IFT57: variants seen among roughly 807,000 people sequenced by gnomAD.
The protein encoded by IFT57 is intraflagellar transport protein 57 homolog.
Under a neutral mutation model 56.8 loss-of-function variants are expected in IFT57, and 59 were observed. The observed-to-expected ratio is 1.04, with a 90% CI of 0.84 to 1.29. The LOEUF is 1.29. Ranked by LOEUF, IFT57 falls within the 50% of genes most tolerant of loss-of-function variation. The pLI, the probability that IFT57 is intolerant of heterozygous loss-of-function variation, is 0.00. For synonymous variants in IFT57, 209 were observed against 186.1 expected, an observed-to-expected ratio of 1.12 and a Z score of -1.00; for missense variants, 470 against 522.1, an observed-to-expected ratio of 0.90 and a Z score of 0.97.
At chr3:108,166,793 T>G in intron 8 of IFT57, 61 bp downstream of exon 8, 1 of 1,431,818 alleles carries the variant, frequency 7.0e-7, no homozygotes, top group Non-Finnish European at 9.6e-7. Flanking sequence ...CAGTATTGTG[T>G]CAAGTTTAGG....
chr3:108,189,639 A>G (rs2080204088), intron 6 of IFT57, among the ~76,000 whole-genome samples: 1 of 152,064 alleles, frequency 6.6e-6, no homozygotes, highest in South Asian at 2.1e-4. Flanking sequence ...AGATATTTAC[A>G]CTACCACTAG....
chr3:108,222,052 G>A (rs2080408977), intron 1 of IFT57, 59 bp downstream of exon 1: 3 of 1,550,504 alleles, frequency 1.9e-6, no homozygotes, highest in South Asian at 1.2e-5. Context: ...GCAGGACCAA[G>A]GAGGGCATCT....
chr3:108,214,383 T>C (rs1455615981), intron 3 of IFT57, among the ~76,000 whole-genome samples: 1 of 152,152 alleles, frequency 6.6e-6, no homozygotes, highest in African/African-American at 2.4e-5. Context: ...TGACTGAACA[T>C]AGAGGTTTCT....
chr3:108,168,956 T>C (rs1027273205), intron 6 of IFT57, among the ~76,000 whole-genome samples: 2 of 152,042 alleles, frequency 1.3e-5, no homozygotes, highest in Admixed American at 1.3e-4. Flanking sequence ...AATAAACATA[T>C]GTGTGCATGT....
chr3:108,165,519 T>A, intron 8 of IFT57, 26 bp from the exon 9 acceptor site: 1 of 1,591,590 alleles, frequency 6.3e-7, no homozygotes, highest in Non-Finnish European at 8.6e-7. Context: ...TTTTGTTTAA[T>A]GGCAAATTCA....
intron 1 of IFT57, among the ~76,000 whole-genome samples, chr3:108,221,711 C>G (rs2080406333): frequency 3.6e-5 from 1 of 28,072 alleles, no homozygotes; most frequent in Non-Finnish European, 7.7e-5. Context: ...TGGCATTCCT[C>G]TCTGGAGGCG....
intron 10 of IFT57, 131 bp from the exon 11 acceptor site, chr3:108,162,786 ACATT>A: frequency 1.5e-6 from 1 of 653,254 alleles, no homozygotes; most frequent in South Asian, 3.1e-5. Context: ...AAACTTACTG[ACATT>A]CACACAGTTT....
chr3:108,176,377 T>C (rs2080124177), intron 6 of IFT57, among the ~76,000 whole-genome samples: 1 of 151,816 alleles, frequency 6.6e-6, no homozygotes, highest in Non-Finnish European at 1.5e-5. Context: ...TTTTTTAACA[T>C]CATCAATCAC....
At chr3:108,188,890 C>T (rs2080199338) in intron 6 of IFT57, among the ~76,000 whole-genome samples, 1 of 152,186 alleles carries the variant, frequency 6.6e-6, no homozygotes, top group South Asian at 2.1e-4. Context: ...CCCTATTAGA[C>T]TTTAAATGAG....
At chr3:108,203,098 G>C (rs1051585837) in intron 5 of IFT57, among the ~76,000 whole-genome samples, 7 of 152,228 alleles carry the variant, frequency 4.6e-5, no homozygotes, top group Non-Finnish European at 8.8e-5. Context: ...ACAGTCTCCT[G>C]CTGTCAGCTT....
chr3:108,192,609 C>T (rs980977867), intron 5 of IFT57, among the ~76,000 whole-genome samples: 20 of 151,832 alleles, frequency 1.3e-4, no homozygotes, highest in African/African-American at 4.8e-4. Flanking sequence ...CCCTTTAACT[C>T]CCTTAATAAA....
chr3:108,193,746 G>T (rs1307595029), intron 5 of IFT57, among the ~76,000 whole-genome samples: 3 of 152,068 alleles, frequency 2.0e-5, no homozygotes, highest in African/African-American at 7.2e-5. Context: ...AGAGATAATG[G>T]GTCTCTGTGT....
At chr3:108,182,036 T>A (rs1279206042) in intron 6 of IFT57, among the ~76,000 whole-genome samples, 1 of 152,078 alleles carries the variant, frequency 6.6e-6, no homozygotes, top group Non-Finnish European at 1.5e-5. Context: ...CCACAGTTTA[T>A]ATATATTTTT....
Position 108,210,332 on chromosome 3 carries a change from C to CTTTTTTTTTT in IFT57, c.585+3589_585+3598dup, listed in dbSNP as rs35896793. ...CAGAACTTTGACTGTCAGAAATAAT[C>CTTTTTTTTTT]TTTTTTTTTTTTTTTTTTTGAGACA... On this transcript the variant is annotated intron_variant, in intron 4 of 10. Transcript: ENST00000264538. 3.5e-3 allele frequency among the ~76,000 whole-genome samples: 375 copies of CTTTTTTTTTT among 107,960 alleles called. 10 individuals carry two copies. The highest frequency in any genetic ancestry group is 0.012 in the African/African-American group (333 of 28,026). 70.8% of individuals were successfully genotyped at this position (107,960 alleles called of 152,430 possible). A position where few individuals can be genotyped will look rare whatever the true frequency, so the allele number is the denominator to read the frequency against.
chr3:108,173,810 A>G lies in IFT57; in HGVS notation c.778-5946T>C, dbSNP rs28588219. Among the ~76,000 whole-genome samples the G allele has an allele frequency of 1.4e-3, 132 of 91,214 alleles. No individual in the cohort carries two copies. In the East Asian group the frequency reaches 0.017, roughly 12 times the overall value. The allele number at this position is 91,214 out of a possible 152,430, so 59.8% of individuals were successfully genotyped here. On this transcript the variant is annotated intron_variant, in intron 6 of 10. Coordinates refer to ENST00000264538, the MANE Select transcript of IFT57 (RefSeq NM_018010.4). Reference sequence around the variant, plus strand: ...TGTGTGTGTGTGTGTGTGTGTGTGTATATAATATAGTATATTATATACAGT... The same window carrying G: ...TGTGTGTGTGTGTGTGTGTGTGTGTGTATAATATAGTATATTATATACAGT...
At chr3:108,216,784 C>T (rs2080375339) in intron 3 of IFT57, among the ~76,000 whole-genome samples, 1 of 152,154 alleles carries the variant, frequency 6.6e-6, no homozygotes, top group Non-Finnish European at 1.5e-5. Flanking sequence ...GAATACCATT[C>T]AACCATAAAA....
chr3:108,192,453 G>C (rs971704762), intron 5 of IFT57, among the ~76,000 whole-genome samples: 1 of 151,842 alleles, frequency 6.6e-6, no homozygotes, highest in African/African-American at 2.4e-5. Flanking sequence ...GATTGTTTCT[G>C]AATTACAACA....
At chr3:108,206,097 GATATATA>G (rs2080311561) in intron 5 of IFT57, among the ~76,000 whole-genome samples, 2 of 126,858 alleles carry the variant, frequency 1.6e-5, no homozygotes, top group Non-Finnish European at 3.2e-5. Flanking sequence ...AATATATATT[GATATATA>G]ATATATATGG....
At chr3:108,185,753 G>A (rs538192498) in intron 6 of IFT57, among the ~76,000 whole-genome samples, 1 of 152,068 alleles carries the variant, frequency 6.6e-6, no homozygotes, top group South Asian at 2.1e-4. Context: ...GATTAGGACT[G>A]CCCTTATTTA....
Sources: allele counts gnomAD v4.1 joint callset (sites outside exome capture counted in the v4.1 genomes callset), GRCh38; gene constraint gnomAD v4.1.1; transcripts MANE v1.5; gene names NCBI Gene and HGNC (gene_info 2026-07-23, HGNC 2026-07-21).